GMDS: variants seen among roughly 807,000 people sequenced by gnomAD.
The protein encoded by GMDS is GDP-mannose 4,6 dehydratase.
GMDS carries 20 observed loss-of-function variants against 49.9 expected under a neutral mutation model. The observed-to-expected ratio is 0.40, with a 90% CI of 0.28 to 0.58. The LOEUF is 0.58. Ranked by LOEUF, GMDS falls within the 20% of genes least tolerant of loss-of-function variation. The probability of loss-of-function intolerance (pLI) is 0.42; values close to 1 mark genes in which losing one functional copy is unlikely to be tolerated. For missense variants in GMDS, 362 were observed against 481.4 expected (o/e 0.75, Z 2.32); for synonymous variants, 177 against 178.6 (o/e 0.99, Z 0.07).
At chr6:1,930,819 T>G (rs1283925863) in intron 6 of GMDS, 1 of 152,192 alleles carries the variant, frequency 6.6e-6, no homozygotes, top group East Asian at 1.9e-4. Context: ...TGCACAGCCA[T>G]CCAAATGATA....
At chr6:1,632,736 G>T (rs997718411) in intron 9 of GMDS, among the ~76,000 whole-genome samples, 3 of 152,030 alleles carry the variant, frequency 2.0e-5, no homozygotes, top group African/African-American at 7.2e-5. Flanking sequence ...AAAATTAGCT[G>T]GGTGTGGTGG....
intron 9 of GMDS, among the ~76,000 whole-genome samples, chr6:1,684,461 T>G (rs542900805): frequency 6.6e-5 from 10 of 152,206 alleles, no homozygotes; most frequent in Non-Finnish European, 2.9e-5. Flanking sequence ...GAGCTTCAGG[T>G]GAACGGCTGT....
chr6:2,092,667 G>C (rs1041316037), intron 4 of GMDS, among the ~76,000 whole-genome samples: 2 of 152,112 alleles, frequency 1.3e-5, no homozygotes, highest in African/African-American at 4.8e-5. Context: ...GTAGAGACAC[G>C]TTTAAGGACT....
chr6:2,112,313 G>A (rs1337833100), intron 4 of GMDS, among the ~76,000 whole-genome samples: 1 of 152,130 alleles, frequency 6.6e-6, no homozygotes, highest in Non-Finnish European at 1.5e-5. Flanking sequence ...TAACTAGTAA[G>A]TAATAGGATT....
intron 4 of GMDS, among the ~76,000 whole-genome samples, chr6:2,060,244 A>G (rs144326419): frequency 1.1e-3 from 167 of 152,090 alleles, no homozygotes; most frequent in African/African-American, 3.6e-3. Context: ...TCTGCTCCAC[A>G]CTGCTCATCA....
intron 9 of GMDS, among the ~76,000 whole-genome samples, chr6:1,647,872 C>T (rs1223659872): frequency 3.3e-5 from 5 of 152,184 alleles, no homozygotes; most frequent in Admixed American, 6.5e-5. Context: ...CAGTGCCAGC[C>T]GAATGCCACC....
intron 4 of GMDS, among the ~76,000 whole-genome samples, chr6:2,094,361 A>G (rs1369814465): frequency 5.3e-5 from 8 of 152,274 alleles, no homozygotes; most frequent in Non-Finnish European, 1.2e-4. Flanking sequence ...CTAGGTCCAA[A>G]TATTAACTGT....
At chr6:2,131,692 G>A (rs144135347) in intron 1 of GMDS, among the ~76,000 whole-genome samples, 5 of 152,238 alleles carry the variant, frequency 3.3e-5, no homozygotes, top group South Asian at 2.1e-4. Flanking sequence ...AACAGCCTAC[G>A]TGTGTGCTAG....
rs773734720 is a variant in GMDS, at chr6:1,624,168, C to T, written c.*1G>A. ...GGGCGGGCCGGGCTCCGAGGCGCTG[C>T]TCAGGCATTGGGGTTTGTCCTCATG... On this transcript the variant is annotated 3_prime_UTR_variant, in exon 11 of 11. Transcript: ENST00000380815. The T allele has an allele frequency of 2.5e-6, 4 of 1,608,806 alleles. No homozygotes were observed. Among genetic ancestry groups the T allele is most frequent in the Non-Finnish European group, 3.4e-6 (4 of 1,179,510 alleles).
In GMDS at chr6:1,635,381, C is replaced by A. The variant is rs532675040; in HGVS notation, c.988-10841G>T. The stretch of plus-strand genomic sequence containing the variant: ...AAGGCAAGCTGTGTCCACTGCGCAA[C>A]CAACATGGCCCACTTTCATCCTCCG... On this transcript the variant is annotated intron_variant, in intron 9 of 10. Coordinates refer to ENST00000380815, the MANE Select transcript of GMDS (RefSeq NM_001500.4). This position sits in a 1 kb window ranked among gnomAD's most constrained non-coding sequence, Gnocchi z 4.7. Among the ~76,000 whole-genome samples, 67 of 152,316 alleles carry A rather than the reference C, an allele frequency of 4.4e-4. No individual in the cohort carries two copies. Among genetic ancestry groups the A allele is most frequent in the Non-Finnish European group, 8.7e-4 (59 of 68,034 alleles).
intron 4 of GMDS, among the ~76,000 whole-genome samples, chr6:2,115,075 G>C (rs956432528): frequency 4.6e-5 from 7 of 152,274 alleles, no homozygotes; most frequent in Admixed American, 3.9e-4. Flanking sequence ...GTCTGAACAA[G>C]TATCTAAATA....
Position 2,129,590 on chromosome 6 carries a change from C to T in GMDS, c.103-4859G>A, listed in dbSNP as rs578243207. 8.9e-4 allele frequency among the ~76,000 whole-genome samples: 135 copies of T among 152,264 alleles called. 1 individual carries two copies. Among genetic ancestry groups the T allele is most frequent in the African/African-American group, 2.5e-3 (102 of 41,532 alleles). On this transcript the variant is annotated intron_variant, in intron 1 of 10. Coordinates refer to ENST00000380815, the MANE Select transcript of GMDS (RefSeq NM_001500.4). ...TCTCAGGCATCAGGAAATAGAATAA[C>T]CCCTTCTGCAAGAAGAGAAAGCACT...
At chr6:2,018,507 C>T (rs1175613086) in intron 4 of GMDS, among the ~76,000 whole-genome samples, 2 of 152,162 alleles carry the variant, frequency 1.3e-5, no homozygotes, top group Non-Finnish European at 2.9e-5. Flanking sequence ...TGTTCCCAAT[C>T]CCTCAACCCT....
chr6:2,062,405 C>G (rs927194985), intron 4 of GMDS, among the ~76,000 whole-genome samples: 1 of 152,188 alleles, frequency 6.6e-6, no homozygotes, highest in Non-Finnish European at 1.5e-5. Context: ...CCTGAAACAT[C>G]TGTGCCTTGT....
At chr6:1,661,558 C>G (rs569058636) in intron 9 of GMDS, among the ~76,000 whole-genome samples, 1 of 152,212 alleles carries the variant, frequency 6.6e-6, no homozygotes, top group Middle Eastern at 3.2e-3. Context: ...CCAGCACACA[C>G]GGAGGCGTGC....
intron 6 of GMDS, among the ~76,000 whole-genome samples, chr6:1,939,496 T>C (rs745967083): frequency 6.6e-6 from 1 of 151,600 alleles, no homozygotes; most frequent in Non-Finnish European, 1.5e-5. Context: ...AGGATATACA[T>C]ATACACACAT....
At chr6:1,732,972 G>A (rs568955608) in intron 8 of GMDS, among the ~76,000 whole-genome samples, 5 of 152,364 alleles carry the variant, frequency 3.3e-5, no homozygotes, top group African/African-American at 7.2e-5. Flanking sequence ...CAGAGAAAGC[G>A]AGACTGCAAC....
intron 6 of GMDS, among the ~76,000 whole-genome samples, chr6:1,948,041 T>C (rs1581405350): frequency 6.6e-6 from 1 of 152,338 alleles, no homozygotes; most frequent in East Asian, 1.9e-4. Context: ...GACGTGCTAA[T>C]AACTTCACTT....
At chr6:1,894,728 CA>C (rs1285306545) in intron 7 of GMDS, among the ~76,000 whole-genome samples, 1 of 152,140 alleles carries the variant, frequency 6.6e-6, no homozygotes, top group Non-Finnish European at 1.5e-5. Context: ...GTAATACAAT[CA>C]TTTTTTTAAA....
Sources: allele counts gnomAD v4.1 joint callset (sites outside exome capture counted in the v4.1 genomes callset), GRCh38; gene constraint gnomAD v4.1.1; non-coding constraint Gnocchi (gnomAD v3.1); transcripts MANE v1.5; gene names NCBI Gene and HGNC (gene_info 2026-07-23, HGNC 2026-07-21).